OR10K1: variants seen among roughly 807,000 people sequenced by gnomAD.
The protein encoded by OR10K1 is olfactory receptor family 10 subfamily K member 1, also known as olfactory receptor 10K1.
For synonymous variants in OR10K1, 186 were observed against 152.5 expected, an observed-to-expected ratio of 1.22 and a Z score of -1.62; for missense variants, 404 against 373.3, an observed-to-expected ratio of 1.08 and a Z score of -0.68.
Position 158,466,359 on chromosome 1 carries a change from CA to C in OR10K1, c.799del (p.Thr267LeufsTer7), listed in dbSNP as rs757720099. ...FIYLRPKTNY[T>X]SSQDTLISVS... The stretch of plus-strand genomic sequence containing the variant: ...TCTACTTAAGGCCCAAGACTAATTA[CA>C]CTTCAAGCCAAGACACCCTAATATC... On this transcript the variant is annotated frameshift_variant, in exon 2 of 2. Transcript: ENST00000641535. LOFTEE classifies it low-confidence loss of function (END_TRUNC). The C allele has an allele frequency of 2.5e-6, 4 of 1,613,970 alleles. No homozygotes were observed. Among genetic ancestry groups the C allele is most frequent in the South Asian group, 1.1e-5 (1 of 91,076 alleles).
rs913050560 is a variant in OR10K1, at chr1:158,465,661, C to T, written c.100C>T (p.Leu34Phe). The change falls in exon 2 of 2, where the codon CTC (leucine) becomes TTC (phenylalanine). Residue 34 changes from leucine to phenylalanine, a missense_variant. Leu to Phe is a conservative substitution (Grantham distance 22, BLOSUM62 0). Coordinates refer to ENST00000641535, the MANE Select transcript of OR10K1 (RefSeq NM_001004473.2). ...QQLLFVIFLL[L>F]YLFTLGTNAI... ...GCTGCTCTTTGTTATCTTCCTGCTC[C>T]TCTACCTGTTCACTCTGGGCACCAA... is the stretch of plus-strand genomic sequence containing the variant. The T allele has an allele frequency of 2.5e-6, 4 of 1,614,176 alleles. No individual in the cohort carries two copies. Among genetic ancestry groups the T allele is most frequent in the Middle Eastern group, 1.7e-4 (1 of 6,060 alleles).
chr1:158,466,628 G>A lies in OR10K1; in HGVS notation c.*125G>A, dbSNP rs539698343. 1 of 659,242 alleles carries A rather than the reference G, an allele frequency of 1.5e-6. No individual in the cohort carries two copies. Among genetic ancestry groups the A allele is most frequent in the Non-Finnish European group, 2.6e-6 (1 of 379,416 alleles). The allele number at this position is 659,242 out of a possible 1,614,324, so 40.8% of individuals were successfully genotyped here. ...AGAACATTTTACATATGAGAAGAAT[G>A]AGGCTCACAGAAGTTAAGACAGTCT... is the stretch of plus-strand genomic sequence containing the variant. On this transcript the variant is annotated 3_prime_UTR_variant, in exon 2 of 2. Coordinates refer to ENST00000641535, the MANE Select transcript of OR10K1 (RefSeq NM_001004473.2).
chr1:158,466,242 A>G lies in OR10K1; in HGVS notation c.681A>G (p.Lys227=). 6.2e-7 allele frequency: 1 copy of G among 1,614,086 alleles called. No individual in the cohort carries two copies. The highest frequency in any genetic ancestry group is 8.5e-7 in the Non-Finnish European group (1 of 1,180,006). ...TCCGCATCATCTCTGCCATTCTAAA[A>G]ATCCCTTCCTCCGTTGGAAGATACA... ...SYIRIISAIL[K]IPSSVGRYKT... Residue 227 remains lysine, a synonymous_variant, in exon 2 of 2, where the codon AAA becomes AAG. Transcript: ENST00000641535.
rs74121870 is a variant in OR10K1 at position 158,465,166 on chromosome 1, C to T, written c.-156-240C>T. On this transcript the variant is annotated intron_variant, in intron 1 of 1. Transcript: ENST00000641535. Reference sequence around the variant, plus strand: ...TATGTCTGAATATTATTCATTCTTTCGTTCTATATTCTGATCAGCTTCAGG... The same window carrying T: ...TATGTCTGAATATTATTCATTCTTTTGTTCTATATTCTGATCAGCTTCAGG... Among the ~76,000 whole-genome samples, 586 of 152,176 alleles carry T rather than the reference C, an allele frequency of 3.9e-3. 4 individuals carry two copies. The highest frequency in any genetic ancestry group is 0.013 in the African/African-American group (558 of 41,530).
chr1:158,466,479 C>T lies in OR10K1; in HGVS notation c.918C>T (p.Gly306=), dbSNP rs1215195008. The T allele has an allele frequency of 6.2e-7, 1 of 1,613,486 alleles. No homozygotes were observed. Among genetic ancestry groups the T allele is most frequent in the Non-Finnish European group, 8.5e-7 (1 of 1,179,486 alleles). ...EFKSALRRTI[G]QTFYPLS ...AATCAGCCCTACGAAGAACAATCGG[C>T]CAAACTTTCTATCCTCTTAGTTAAA... The change falls in exon 2 of 2, where the codon GGC becomes GGT. Residue 306 remains glycine, a synonymous_variant. Coordinates refer to ENST00000641535, the MANE Select transcript of OR10K1 (RefSeq NM_001004473.2).
chr1:158,465,633 G>A lies in OR10K1; in HGVS notation c.72G>A (p.Gln24=). ...VLGFSSLARL[Q]QLLFVIFLLL... ...GCTTCTCATCCCTGGCCAGGCTGCA[G>A]CAGCTGCTCTTTGTTATCTTCCTGC... The change falls in exon 2 of 2, where the codon CAG becomes CAA. Residue 24 remains glutamine, a synonymous_variant. Transcript: ENST00000641535. The A allele has an allele frequency of 6.2e-7, 1 of 1,614,134 alleles. No individual in the cohort carries two copies. Among genetic ancestry groups the A allele is most frequent in the Non-Finnish European group, 8.5e-7 (1 of 1,180,024 alleles).
rs1383536808 is a variant in OR10K1 at position 158,466,104 on chromosome 1, C to G, written c.543C>G (p.Ile181Met). Residue 181 changes from isoleucine to methionine, a missense_variant, in exon 2 of 2, where the codon ATC becomes ATG. By Grantham distance (10) the Ile-to-Met change is conservative. Transcript: ENST00000641535. ...SNQLHHFFCD[I>M]SPVLKLASQH... ...AGCTCCATCACTTCTTCTGTGACAT[C>G]TCCCCTGTCCTTAAACTGGCATCTC... 6.2e-7 allele frequency: 1 copy of G among 1,613,962 alleles called. No homozygotes were observed. The highest frequency in any genetic ancestry group is 8.5e-7 in the Non-Finnish European group (1 of 1,179,936).
chr1:158,463,800 A>G (rs1173305328), intron 1 of OR10K1, among the ~76,000 whole-genome samples: 1 of 152,180 alleles, frequency 6.6e-6, no homozygotes, highest in African/African-American at 2.4e-5. Context: ...GTATATAAAA[A>G]CATATAACTA....
Position 158,465,619 on chromosome 1 carries a change from C to T in OR10K1, c.58C>T (p.Leu20=). ...GTTCGTCGTCCTCGGCTTCTCATCC[C>T]TGGCCAGGCTGCAGCAGCTGCTCTT... The part of the protein sequence containing the change: ...REFVVLGFSS[L]ARLQQLLFVI... Residue 20 remains leucine, a synonymous_variant, in exon 2 of 2, where the codon CTG becomes TTG. Coordinates refer to ENST00000641535, the MANE Select transcript of OR10K1 (RefSeq NM_001004473.2). The T allele has an allele frequency of 5.6e-6, 9 of 1,614,102 alleles. No individual in the cohort carries two copies. Among genetic ancestry groups the T allele is most frequent in the Non-Finnish European group, 7.6e-6 (9 of 1,180,006 alleles).
intron 1 of OR10K1, among the ~76,000 whole-genome samples, chr1:158,462,394 C>T (rs71632619): frequency 1.6e-3 from 96 of 60,036 alleles, no homozygotes; most frequent in Admixed American, 2.7e-3. Context: ...TTCTTCCTTA[C>T]TTCCTTCCTC....
At chr1:158,464,208 T>C (rs1655986419) in intron 1 of OR10K1, among the ~76,000 whole-genome samples, 1 of 152,212 alleles carries the variant, frequency 6.6e-6, no homozygotes, top group South Asian at 2.1e-4. Context: ...TGATTTTGTA[T>C]CCAGATAGTG....
At position 158,466,378 on chromosome 1, in the gene OR10K1, C is replaced by T; in HGVS notation, c.817C>T (p.Leu273=). 6.2e-7 allele frequency: 1 copy of T among 1,613,488 alleles called. No individual in the cohort carries two copies. The highest frequency in any genetic ancestry group is 8.5e-7 in the Non-Finnish European group (1 of 1,179,518). ...TAATTACACTTCAAGCCAAGACACC[C>T]TAATATCTGTGTCATACACCATCCT... ...KTNYTSSQDT[L]ISVSYTILTP... Residue 273 remains leucine, a synonymous_variant, in exon 2 of 2, where the codon CTA becomes TTA. Transcript: ENST00000641535.
Position 158,466,505 on chromosome 1 carries a change from G to A in OR10K1, c.*2G>A, listed in dbSNP as rs546295997. 9.4e-6 allele frequency: 15 copies of A among 1,603,698 alleles called. No homozygotes were observed. The Admixed American group carries it at 1.2e-4, about 13-fold the overall frequency. On this transcript the variant is annotated 3_prime_UTR_variant, in exon 2 of 2. Transcript: ENST00000641535. ...CAAACTTTCTATCCTCTTAGTTAAAGAGCTATTTTTTAAACTACTAATGCC... is the reference window on the plus strand; with the variant it reads ...CAAACTTTCTATCCTCTTAGTTAAAAAGCTATTTTTTAAACTACTAATGCC...
chr1:158,465,016 T>C (rs573625738), intron 1 of OR10K1, among the ~76,000 whole-genome samples: 1 of 152,332 alleles, frequency 6.6e-6, no homozygotes, highest in African/African-American at 2.4e-5. Context: ...GTATTTCTTA[T>C]TGTTCCCTTG....
intron 1 of OR10K1, among the ~76,000 whole-genome samples, chr1:158,464,905 T>G (rs536259900): frequency 3.5e-4 from 54 of 152,316 alleles, no homozygotes; most frequent in Non-Finnish European, 6.9e-4. Flanking sequence ...CACCTTGGCT[T>G]CTCAAAGTGC....
chr1:158,466,276 T>G lies in OR10K1; in HGVS notation c.715T>G (p.Ser239Ala), dbSNP rs778207949. 6.2e-7 allele frequency: 1 copy of G among 1,614,138 alleles called. No individual in the cohort carries two copies. The change falls in exon 2 of 2, where the codon TCC (serine) becomes GCC (alanine). Residue 239 changes from serine to alanine, a missense_variant. By Grantham distance (99) the Ser-to-Ala change is moderately conservative. Transcript: ENST00000641535. ...CTCCGTTGGAAGATACAAGACCTTC[T>G]CCACCTGTGCCTCCCATCTCATTGT... ...PSSVGRYKTF[S>A]TCASHLIVVT...
Position 158,466,725 on chromosome 1 carries a change from A to C in OR10K1, c.*222A>C, listed in dbSNP as rs1656051430. 1 of 528,318 alleles carries C rather than the reference A, an allele frequency of 1.9e-6. No homozygotes were observed. The highest frequency in any genetic ancestry group is 3.7e-5 in the Admixed American group (1 of 26,904). The allele number at this position is 528,318 out of a possible 1,614,324, so 32.7% of individuals were successfully genotyped here. Reference sequence around the variant, plus strand: ...GAACAGAGCACACAGTTCCATAACAAATTTAATTATATTTTACTGCTTTAA... The same window carrying C: ...GAACAGAGCACACAGTTCCATAACACATTTAATTATATTTTACTGCTTTAA... On this transcript the variant is annotated 3_prime_UTR_variant, in exon 2 of 2. Transcript: ENST00000641535.
chr1:158,466,417 A>G lies in OR10K1; in HGVS notation c.856A>G (p.Asn286Asp), dbSNP rs555636501. 1.2e-6 allele frequency: 2 copies of G among 1,613,944 alleles called. No individual in the cohort carries two copies. The highest frequency in any genetic ancestry group is 3.3e-5 in the Admixed American group (2 of 60,004). The change falls in exon 2 of 2, where the codon AAT (asparagine) becomes GAT (aspartate). Residue 286 changes from asparagine (N) to aspartate (D), a missense_variant. Transcript: ENST00000641535. ...VSYTILTPLF[N>D]PMIYSLRNKE... ...ATACACCATCCTTACCCCATTGTTC[A>G]ATCCAATGATTTATAGTCTGAGAAA...
In OR10K1 at chr1:158,466,144, A is replaced by C. The variant is rs1656033927; in HGVS notation, c.583A>C (p.Ser195Arg). The C allele has an allele frequency of 1.2e-6, 2 of 1,613,844 alleles. No individual in the cohort carries two copies. Among genetic ancestry groups the C allele is most frequent in the Non-Finnish European group, 1.7e-6 (2 of 1,179,914 alleles). ...ACTGGCATCTCAGCACTCCGGCTTC[A>C]GTCAGCTGGTCATATTCATGCTTGG... ...LKLASQHSGFSQLVIFMLGVF... is the reference protein window; with the variant it reads ...LKLASQHSGFRQLVIFMLGVF... The change falls in exon 2 of 2, where the codon AGT (serine) becomes CGT (arginine). Residue 195 changes from serine to arginine, a missense_variant. Transcript: ENST00000641535.
Sources: gnomAD v4.1 joint callset for allele counts (sites outside exome capture counted in the v4.1 genomes callset) on GRCh38, gnomAD v4.1.1 for gene constraint, MANE v1.5 for transcripts, NCBI Gene and HGNC (gene_info 2026-07-23, HGNC 2026-07-21) for gene names.